Variants in SCARA3 observed in about 807,000 individuals in gnomAD.
SCARA3 encodes the protein cellular stress response gene protein.
Under a neutral mutation model 47.0 loss-of-function variants are expected in SCARA3, and 39 were observed. The observed-to-expected ratio is 0.83, with a 90% CI of 0.64 to 1.08. The LOEUF (loss-of-function observed/expected upper bound fraction) is 1.08, where lower values mean the gene tolerates loss of function less well. Ranked by LOEUF, SCARA3 falls within the 50% of genes least tolerant of loss-of-function variation. SCARA3 has a pLI of 0.00. For synonymous variants in SCARA3, 356 were observed against 334.1 expected (o/e 1.07, Z -0.71); for missense variants, 724 against 792.3 (o/e 0.91, Z 1.04).
intron 1 of SCARA3, among the ~76,000 whole-genome samples, chr8:27,647,852 A>G (rs2640731): frequency 0.18 from 27,948 of 152,158 alleles, 3,139 homozygotes; most frequent in Middle Eastern, 0.33. Context: ...GAGTCCATTC[A>G]GAGCTGCCTT....
chr8:27,693,867 T>A, the SCARA3 span, among the ~76,000 whole-genome samples: 1 of 152,198 alleles, frequency 6.6e-6, no homozygotes, highest in Non-Finnish European at 1.5e-5. Context: ...TAAATCTACC[T>A]ATGACCTGGA....
At chr8:27,718,526 C>A in the SCARA3 span, among the ~76,000 whole-genome samples, 2 of 152,212 alleles carry the variant, frequency 1.3e-5, no homozygotes, top group South Asian at 4.1e-4. Flanking sequence ...AGACCTCGCA[C>A]TCCAGCTCCA....
At chr8:27,639,382 G>A (rs189844890) in intron 1 of SCARA3, among the ~76,000 whole-genome samples, 67 of 152,332 alleles carry the variant, frequency 4.4e-4, no homozygotes, top group Non-Finnish European at 7.3e-4. Context: ...GAGAGAAAGG[G>A]AGCATTTCAA....
the SCARA3 span, among the ~76,000 whole-genome samples, chr8:27,725,547 A>G: frequency 6.6e-6 from 1 of 150,452 alleles, no homozygotes; most frequent in African/African-American, 2.4e-5. Flanking sequence ...AAAAAACCAG[A>G]ATAATCTAAT....
intron 1 of SCARA3, among the ~76,000 whole-genome samples, chr8:27,636,752 A>G (rs1801261202): frequency 6.6e-6 from 1 of 152,150 alleles, no homozygotes; most frequent in African/African-American, 2.4e-5. Flanking sequence ...CTCCCATAAC[A>G]TCACAGGGGC....
the SCARA3 span, among the ~76,000 whole-genome samples, chr8:27,714,646 A>G: frequency 5.3e-5 from 8 of 152,226 alleles, no homozygotes; most frequent in Admixed American, 6.5e-5. Flanking sequence ...ATTTATATTT[A>G]TTTTGATTTC....
At chr8:27,690,701 AT>A in the SCARA3 span, among the ~76,000 whole-genome samples, 85 of 150,770 alleles carry the variant, frequency 5.6e-4, no homozygotes, top group African/African-American at 1.4e-3. Flanking sequence ...CAGTTTTTAA[AT>A]TTTTTTTTTA....
chr8:27,690,942 C>A, the SCARA3 span, among the ~76,000 whole-genome samples: 4 of 152,062 alleles, frequency 2.6e-5, no homozygotes, highest in Non-Finnish European at 4.4e-5. Flanking sequence ...CTTAGACACC[C>A]AATGTGCTGG....
chr8:27,638,305 A>G (rs1030908515), intron 1 of SCARA3, among the ~76,000 whole-genome samples: 3 of 108,426 alleles, frequency 2.8e-5, no homozygotes, highest in Non-Finnish European at 5.8e-5. Context: ...ATCATGTATA[A>G]TTTAGTGATT....
At chr8:27,725,289 G>A in the SCARA3 span, among the ~76,000 whole-genome samples, 1 of 152,060 alleles carries the variant, frequency 6.6e-6, no homozygotes, top group African/African-American at 2.4e-5. Context: ...CCAGGCATGT[G>A]ATTAGGAAAG....
At chr8:27,651,746 C>G (rs1801638687) in intron 3 of SCARA3, 119 bp downstream of exon 3, 8 of 1,330,464 alleles carry the variant, frequency 6.0e-6, no homozygotes, top group East Asian at 2.3e-5. Context: ...CCAGAGCCAG[C>G]ATCTTCCTGG....
At chr8:27,676,859 C>A, downstream of SCARA3, 1 of 278,518 alleles carries the variant, frequency 3.6e-6, no homozygotes, top group Non-Finnish European at 6.6e-6. Context: ...GCGTCCAACA[C>A]TCTGCCTTCT....
chr8:27,714,258 C>T, the SCARA3 span, among the ~76,000 whole-genome samples: 11 of 141,074 alleles, frequency 7.8e-5, no homozygotes, highest in Non-Finnish European at 1.5e-4. Context: ...TGCAGTGGCG[C>T]AATCTTAGCT....
At chr8:27,692,936 G>A in the SCARA3 span, among the ~76,000 whole-genome samples, 1 of 151,914 alleles carries the variant, frequency 6.6e-6, no homozygotes, top group South Asian at 2.1e-4. Flanking sequence ...ACCAGCTCAG[G>A]CAACATGGCA....
At chr8:27,687,427 G>A in the SCARA3 span, among the ~76,000 whole-genome samples, 7 of 152,180 alleles carry the variant, frequency 4.6e-5, no homozygotes, top group African/African-American at 1.7e-4. Flanking sequence ...AAAGACCCTG[G>A]GTAGAGGGAA....
the SCARA3 span, among the ~76,000 whole-genome samples, chr8:27,710,067 A>G: frequency 2.0e-5 from 3 of 152,160 alleles, no homozygotes; most frequent in Admixed American, 6.5e-5. Context: ...CGTCTCTACT[A>G]CAAATACAAA....
the SCARA3 span, among the ~76,000 whole-genome samples, chr8:27,728,206 C>T: frequency 2.2e-4 from 33 of 152,272 alleles, no homozygotes; most frequent in Admixed American, 1.8e-3. Flanking sequence ...ACTTCACCGA[C>T]GAGGGCTGCT....
the SCARA3 span, among the ~76,000 whole-genome samples, chr8:27,716,114 T>C: frequency 2.0e-5 from 3 of 151,954 alleles, no homozygotes; most frequent in Non-Finnish European, 4.4e-5. Flanking sequence ...AAGACCAGCC[T>C]GAGTAACAGA....
At chr8:27,691,091 G>A in the SCARA3 span, among the ~76,000 whole-genome samples, 1 of 152,208 alleles carries the variant, frequency 6.6e-6, no homozygotes, top group Non-Finnish European at 1.5e-5. Context: ...ATATAGAAGG[G>A]AGAGCAACTT....
Sources: gnomAD v4.1 joint callset for allele counts (sites outside exome capture counted in the v4.1 genomes callset) on GRCh38, gnomAD v4.1.1 for gene constraint, MANE v1.5 for transcripts, NCBI Gene and HGNC (gene_info 2026-07-23, HGNC 2026-07-21) for gene names.